ANKRD36B: variants seen among roughly 807,000 people sequenced by gnomAD.
ANKRD36B encodes ankyrin repeat domain-containing protein 36B.
Under a neutral mutation model 135.7 loss-of-function variants are expected in ANKRD36B, and 37 were observed. The ratio of observed to expected loss-of-function variants is 0.27; its 90% confidence interval spans 0.21 to 0.36. ANKRD36B has a LOEUF of 0.36. Ranked by LOEUF, ANKRD36B falls within the 10% of genes least tolerant of loss-of-function variation. The pLI, the probability that ANKRD36B is intolerant of heterozygous loss-of-function variation, is 1.00. For synonymous variants in ANKRD36B, 179 were observed against 348.1 expected (o/e 0.51, Z 5.41); for missense variants, 549 against 1,037.1 (o/e 0.53, Z 6.46).
At chr2:97,560,642 T>C in intron 8 of ANKRD36B, 23 bp downstream of exon 8, 1 of 1,600,284 alleles carries the variant, frequency 6.2e-7, no homozygotes. Flanking sequence ...GAACATGACA[T>C]TAGATGTGTT....
At chr2:97,532,202 A>G (rs2078636129) in intron 35 of ANKRD36B, 109 bp downstream of exon 35, 1 of 562,214 alleles carries the variant, frequency 1.8e-6, no homozygotes, top group African/African-American at 2.0e-5. Context: ...ATTATAATCA[A>G]CTGATACTAA....
chr2:97,578,746 G>A (rs2082385692), intron 5 of ANKRD36B, among the ~76,000 whole-genome samples, 160 bp downstream of exon 5: 1 of 152,072 alleles, frequency 6.6e-6, no homozygotes. Context: ...TCTGGCTGAT[G>A]AAGTTGCACA....
In ANKRD36B at chr2:97,558,928, C is replaced by T. The variant is rs758605400; in HGVS notation, c.894+38G>A. 47 of 1,606,728 alleles carry T rather than the reference C, an allele frequency of 2.9e-5. No homozygotes were observed. The South Asian group carries it at 3.5e-4, about 12-fold the overall frequency. On this transcript the variant is annotated intron_variant, in intron 9 of 43. Transcript: ENST00000359901. The stretch of plus-strand genomic sequence containing the variant: ...TGTAAAGTAGGTTTCATAGACTATA[C>T]GGTTAATAGTTCAACATATAAATGA...
intron 4 of ANKRD36B, 108 bp from the exon 5 acceptor site, chr2:97,579,151 A>G (rs2082417183): frequency 1.6e-6 from 2 of 1,238,322 alleles, no homozygotes; most frequent in East Asian, 5.1e-5. Flanking sequence ...TAACCCAATT[A>G]CATGTACTAA....
intron 40 of ANKRD36B, among the ~76,000 whole-genome samples, chr2:97,508,780 G>A (rs1356054294): frequency 9.2e-6 from 1 of 108,994 alleles, no homozygotes; most frequent in Admixed American, 8.4e-5. Flanking sequence ...TAGGAGAGAA[G>A]TAATTTAAAA....
chr2:97,531,553 C>T (rs1461323628), intron 35 of ANKRD36B, among the ~76,000 whole-genome samples: 2 of 93,036 alleles, frequency 2.1e-5, no homozygotes, highest in African/African-American at 6.5e-5. Context: ...ATTTAAAGTA[C>T]AATAATAATA....
At chr2:97,541,531 A>C (rs2079149293) in intron 28 of ANKRD36B, among the ~76,000 whole-genome samples, 1 of 96,230 alleles carries the variant, frequency 1.0e-5, no homozygotes, top group African/African-American at 3.1e-5. Context: ...TATTAGGATG[A>C]CGTTTCCCTC....
At chr2:97,516,192 T>TA (rs1159226772) in intron 36 of ANKRD36B, among the ~76,000 whole-genome samples, 3,822 of 33,432 alleles carry the variant, frequency 0.11, 371 homozygotes, top group Middle Eastern at 0.15. Context: ...ATAGGTCCTG[T>TA]AAAAAAAAAA....
At chr2:97,561,933 G>C (rs2081062368) in intron 6 of ANKRD36B, among the ~76,000 whole-genome samples, 1 of 151,872 alleles carries the variant, frequency 6.6e-6, no homozygotes, top group Non-Finnish European at 1.5e-5. Context: ...CCTGCTTCCA[G>C]TAGTTCCTGG....
intron 34 of ANKRD36B, 63 bp downstream of exon 34, chr2:97,536,237 A>G: frequency 1.6e-6 from 1 of 618,868 alleles, no homozygotes; most frequent in South Asian, 1.5e-5. Flanking sequence ...TAGAAAGACT[A>G]TGAGCATTAC....
chr2:97,560,705 A>G lies in ANKRD36B; in HGVS notation c.825T>C (p.Asn275=), dbSNP rs1166566981. The stretch of plus-strand genomic sequence containing the variant: ...GTCCCTCCTTTATTTCTGTGGCTAT[A>G]TTTGAAACAGAATCTTTGTCGTCAC... The part of the protein sequence containing the change: ...ATSDDKDSVS[N]IATEIKEGPI... The change falls in exon 8 of 44, where the codon AAT becomes AAC. Residue 275 remains asparagine (N), a synonymous_variant. Coordinates refer to ENST00000359901, the MANE Select transcript of ANKRD36B (RefSeq NM_001393939.1). 1 of 1,603,188 alleles carries G rather than the reference A, an allele frequency of 6.2e-7. No individual in the cohort carries two copies. The highest frequency in any genetic ancestry group is 8.5e-7 in the Non-Finnish European group (1 of 1,178,352).
chr2:97,551,589 A>G, intron 16 of ANKRD36B, 109 bp from the exon 17 acceptor site: 5 of 1,538,998 alleles, frequency 3.2e-6, no homozygotes, highest in South Asian at 1.1e-5. Context: ...GTATTAGCGT[A>G]GGTTTTGATG....
rs1362053606 is a variant in ANKRD36B at position 97,535,939 on chromosome 2, C to T, written c.2191+361G>A. 2.1e-5 allele frequency among the ~76,000 whole-genome samples: 2 copies of T among 93,428 alleles called. 1 individual carries two copies. Among genetic ancestry groups the T allele is most frequent in the Non-Finnish European group, 5.6e-5 (2 of 35,410 alleles). 61.3% of individuals were successfully genotyped at this position (93,428 alleles called of 152,430 possible). A position where few individuals can be genotyped will look rare whatever the true frequency, so the allele number is the denominator to read the frequency against. On this transcript the variant is annotated intron_variant, in intron 34 of 43. Transcript: ENST00000359901. Reference sequence around the variant, plus strand: ...AATTAGCCGGGCATGGTGGGGCATACCTGTAATCCCAGCTACTCGGGAGGC... The same window carrying T: ...AATTAGCCGGGCATGGTGGGGCATATCTGTAATCCCAGCTACTCGGGAGGC...
intron 34 of ANKRD36B, among the ~76,000 whole-genome samples, chr2:97,535,467 A>G (rs2078824520): frequency 1.2e-5 from 1 of 83,952 alleles, no homozygotes; most frequent in East Asian, 2.5e-4. Context: ...ACTCATTAAA[A>G]TTAAAAACAA....
intron 6 of ANKRD36B, among the ~76,000 whole-genome samples, chr2:97,564,870 C>A (rs2081318243): frequency 6.6e-6 from 1 of 151,858 alleles, no homozygotes; most frequent in Non-Finnish European, 1.5e-5. Flanking sequence ...TTTTTTGGTT[C>A]CATATGAAAT....
intron 26 of ANKRD36B, among the ~76,000 whole-genome samples, chr2:97,543,200 C>CA (rs200668676): frequency 0.049 from 7,462 of 150,904 alleles, 1 homozygote; most frequent in African/African-American, 0.17. Context: ...CAGCAGCTGC[C>CA]AAAATCAAAT....
intron 36 of ANKRD36B, among the ~76,000 whole-genome samples, chr2:97,521,748 T>C (rs1230492598): frequency 7.2e-5 from 7 of 97,638 alleles, no homozygotes; most frequent in African/African-American, 2.1e-4. Flanking sequence ...TTTGACTTAC[T>C]GACTTTACAG....
chr2:97,579,002 A>G lies in ANKRD36B; in HGVS notation c.599T>C (p.Ile200Thr), dbSNP rs550949149. The change falls in exon 5 of 44, where the codon ATA (isoleucine) becomes ACA (threonine). Residue 200 changes from isoleucine to threonine, a missense_variant. Ile to Thr is a moderately conservative substitution (Grantham distance 89). Transcript: ENST00000359901. ...ATTGTGCTGCAGAAGAAGAATGACT[A>G]TATCTTTTTCTCCAAGAGTAACAGC... The part of the protein sequence containing the change: ...ILAVTLGEKD[I>T]VILLLQHNID... 3.7e-6 allele frequency: 6 copies of G among 1,612,336 alleles called. No homozygotes were observed. Among genetic ancestry groups the G allele is most frequent in the African/African-American group, 2.7e-5 (2 of 74,986 alleles).
chr2:97,537,809 G>A lies in ANKRD36B; in HGVS notation c.2089+359C>T, dbSNP rs1252955249. On this transcript the variant is annotated intron_variant, in intron 32 of 43. Transcript: ENST00000359901. ...CCCTCTGGTTTAAGCAGTACCATCT[G>A]ACATCTATAATTTCTATTACTTTTT... Among the ~76,000 whole-genome samples the A allele has an allele frequency of 2.1e-5, 2 of 96,356 alleles. 1 individual carries two copies. Among genetic ancestry groups the A allele is most frequent in the Non-Finnish European group, 5.5e-5 (2 of 36,280 alleles). 63.2% of individuals were successfully genotyped at this position (96,356 alleles called of 152,430 possible). A position where few individuals can be genotyped will look rare whatever the true frequency, so the allele number is the denominator to read the frequency against.
Sources: allele counts gnomAD v4.1 joint callset (sites outside exome capture counted in the v4.1 genomes callset), GRCh38; gene constraint gnomAD v4.1.1; transcripts MANE v1.5; gene names NCBI Gene and HGNC (gene_info 2026-07-23, HGNC 2026-07-21).